ASIC2: variants seen among roughly 807,000 people sequenced by gnomAD.
The protein encoded by ASIC2 is acid-sensing ion channel 2.
Under a neutral mutation model 57.3 loss-of-function variants are expected in ASIC2, and 25 were observed. That is an observed-to-expected ratio of 0.44 (90% CI 0.32 to 0.61). The LOEUF (loss-of-function observed/expected upper bound fraction) is 0.61, where lower values mean the gene tolerates loss of function less well. Among genes scored for constraint, ASIC2 ranks in the 20% least tolerant of loss-of-function variants. ASIC2 has a pLI of 0.06. For synonymous variants in ASIC2, 319 were observed against 307.5 expected, an observed-to-expected ratio of 1.04 and a Z score of -0.39; for missense variants, 641 against 738.1, an observed-to-expected ratio of 0.87 and a Z score of 1.52.
At chr17:33,949,126 A>C (rs1484237841) in intron 1 of ASIC2, among the ~76,000 whole-genome samples, 2 of 152,134 alleles carry the variant, frequency 1.3e-5, no homozygotes, top group East Asian at 1.9e-4. Flanking sequence ...TGTAAAGACC[A>C]GTGGGCCATG....
chr17:33,779,696 A>G (rs973056369), intron 1 of ASIC2, among the ~76,000 whole-genome samples: 7 of 152,182 alleles, frequency 4.6e-5, no homozygotes, highest in African/African-American at 1.4e-4. Context: ...ATTATCCCGC[A>G]AAGGGGTTTT....
chr17:33,534,517 A>C (rs929860542), intron 1 of ASIC2: 2 of 152,214 alleles, frequency 1.3e-5, no homozygotes, highest in Non-Finnish European at 2.9e-5. Context: ...TGCAGCCTTC[A>C]AAGCGTTTTT....
intron 1 of ASIC2, chr17:33,954,988 ATACAAGG>A (rs1313659358): frequency 6.6e-6 from 1 of 152,254 alleles, no homozygotes; most frequent in Non-Finnish European, 1.5e-5. Context: ...GAGAGGCAGG[ATACAAGG>A]TGTAAAGTTC....
At chr17:34,076,401 A>T (rs1206270114) in intron 1 of ASIC2, among the ~76,000 whole-genome samples, 2 of 151,926 alleles carry the variant, frequency 1.3e-5, no homozygotes, top group Non-Finnish European at 2.9e-5. Flanking sequence ...TAGCACTTCC[A>T]ATCCCCTCTC....
chr17:33,841,469 G>C (rs911287022), intron 1 of ASIC2, among the ~76,000 whole-genome samples: 12 of 152,206 alleles, frequency 7.9e-5, no homozygotes, highest in Non-Finnish European at 1.3e-4. Context: ...GGTGTGCCAG[G>C]CTGCCAAATT....
In ASIC2 at chr17:33,451,527, G is replaced by C. The variant is rs147673441; in HGVS notation, c.556-339460C>G. 2.6e-3 allele frequency among the ~76,000 whole-genome samples: 391 copies of C among 152,230 alleles called. 2 individuals carry two copies. The highest frequency in any genetic ancestry group is 4.5e-3 in the Non-Finnish European group (307 of 68,026). On this transcript the variant is annotated intron_variant, in intron 1 of 9. Coordinates refer to the ASIC2 transcript ENST00000359872. ...AACCTGTTGCTTTTGCCAGACACCG[G>C]AAGTTGTTCTTGATGTCTCCATCTT... is the stretch of plus-strand genomic sequence containing the variant.
chr17:33,434,140 TAAATA>T (rs1486140271), intron 1 of ASIC2, among the ~76,000 whole-genome samples: 1 of 151,062 alleles, frequency 6.6e-6, no homozygotes, highest in East Asian at 1.9e-4. Flanking sequence ...AAATAATAAA[TAAATA>T]AAATAAATAG....
chr17:33,464,524 CT>C (rs1156965323), intron 1 of ASIC2, among the ~76,000 whole-genome samples: 1 of 36,806 alleles, frequency 2.7e-5, no homozygotes, highest in East Asian at 5.0e-4. Context: ...TTCTTTCTTT[CT>C]TTCTTTCTTT....
At chr17:33,367,557 G>T (rs1370372313) in intron 1 of ASIC2, among the ~76,000 whole-genome samples, 1 of 152,208 alleles carries the variant, frequency 6.6e-6, no homozygotes, top group African/African-American at 2.4e-5. Flanking sequence ...CCCCATGGGG[G>T]CTTACTCTGA....
intron 1 of ASIC2, among the ~76,000 whole-genome samples, chr17:33,354,497 C>T (rs1908302975): frequency 6.6e-6 from 1 of 152,134 alleles, no homozygotes; most frequent in Admixed American, 6.5e-5. Context: ...GGGATAGAGG[C>T]CTAAACCCTC....
At position 34,032,761 on chromosome 17, in the gene ASIC2, A is replaced by G. The variant is rs1053173867; in HGVS notation, c.555+123217T>C. Among the ~76,000 whole-genome samples, 9 of 152,342 alleles carry G rather than the reference A, an allele frequency of 5.9e-5. No individual in the cohort carries two copies. The East Asian group carries it at 1.7e-3, about 29-fold the overall frequency. On this transcript the variant is annotated intron_variant, in intron 1 of 9. Transcript: ENST00000359872. The stretch of plus-strand genomic sequence containing the variant: ...TAAACCAACAAAGATCAAAAGAGAC[A>G]AAGAAGGCCATTACATAAAGGGAAA...
At chr17:34,055,422 CCT>C (rs1171361169) in intron 1 of ASIC2, among the ~76,000 whole-genome samples, 1 of 152,098 alleles carries the variant, frequency 6.6e-6, no homozygotes, top group African/African-American at 2.4e-5. Flanking sequence ...GTTTTATTTT[CCT>C]CTTTTTGAGG....
intron 1 of ASIC2, among the ~76,000 whole-genome samples, chr17:33,418,055 T>G (rs1910920580): frequency 1.1e-5 from 1 of 89,076 alleles, no homozygotes; most frequent in South Asian, 3.7e-4. Flanking sequence ...TGTGTGTGTG[T>G]GTGTGTGTGT....
chr17:33,709,744 A>G (rs1228848926), intron 1 of ASIC2, among the ~76,000 whole-genome samples: 2 of 152,224 alleles, frequency 1.3e-5, no homozygotes, highest in African/African-American at 2.4e-5. Flanking sequence ...ATTGGGGGAA[A>G]TGGATAATAT....
rs544810907 is a variant in ASIC2 at position 33,363,205 on chromosome 17, A to T, written c.556-251138T>A. On this transcript the variant is annotated intron_variant, in intron 1 of 9. Coordinates refer to the ASIC2 transcript ENST00000359872. ...AAAGACTGCCATTTTCCAAGCAGAA[A>T]CTCTTCAAATGTCTCAATTGACTCA... 7.2e-5 allele frequency among the ~76,000 whole-genome samples: 11 copies of T among 152,136 alleles called. No homozygotes were observed. In the South Asian group the frequency reaches 2.1e-3, roughly 29 times the overall value.
Position 33,600,385 on chromosome 17 carries a change from A to T in ASIC2, c.556-488318T>A, listed in dbSNP as rs114525592. Among the ~76,000 whole-genome samples, 1,209 of 152,300 alleles carry T rather than the reference A, an allele frequency of 7.9e-3. 10 individuals are homozygous for T. Among genetic ancestry groups the T allele is most frequent in the Middle Eastern group, 0.041 (12 of 294 alleles). ...TAGCTTCTAGAACCATGAGCCAGAG[A>T]AATTTCTGTTTATTATAAATTACCT... On this transcript the variant is annotated intron_variant, in intron 1 of 9. Coordinates refer to the ASIC2 transcript ENST00000359872.
intron 1 of ASIC2, among the ~76,000 whole-genome samples, chr17:33,535,336 G>A (rs1025655055): frequency 1.3e-5 from 2 of 150,836 alleles, no homozygotes; most frequent in African/African-American, 2.4e-5. Context: ...GCAGTGGTGC[G>A]ATCTCGGCTC....
At chr17:33,663,091 G>A (rs778119349) in intron 1 of ASIC2, among the ~76,000 whole-genome samples, 10 of 152,150 alleles carry the variant, frequency 6.6e-5, no homozygotes, top group Non-Finnish European at 1.3e-4. Flanking sequence ...ATGCACGAGA[G>A]ACATCAGTCA....
At chr17:33,135,049 G>A (rs994788251) in intron 1 of ASIC2, among the ~76,000 whole-genome samples, 6 of 152,188 alleles carry the variant, frequency 3.9e-5, no homozygotes, top group Admixed American at 2.6e-4. Context: ...CTGTGACTCG[G>A]AGAAGAAAGG....
Sources: gnomAD v4.1 joint callset for allele counts (sites outside exome capture counted in the v4.1 genomes callset) on GRCh38, gnomAD v4.1.1 for gene constraint, MANE v1.5 for transcripts, NCBI Gene and HGNC (gene_info 2026-07-23, HGNC 2026-07-21) for gene names.